The following PZP variants were observed in gnomAD, a reference collection of about 807,000 sequenced individuals.
PZP encodes PZP alpha-2-macroglobulin like, also known as pregnancy zone protein.
In PZP, 150 loss-of-function variants were observed where a neutral mutation model predicts 179.8. The observed-to-expected ratio is 0.83, with a 90% CI of 0.73 to 0.96. The LOEUF is 0.96. PZP is among the 40% of genes least tolerant of loss of function. The probability of loss-of-function intolerance (pLI) is 0.00; values close to 1 mark genes in which losing one functional copy is unlikely to be tolerated. For synonymous variants in PZP, 624 were observed against 652.3 expected, an observed-to-expected ratio of 0.96 and a Z score of 0.66; for missense variants, 1,689 against 1,764.0, an observed-to-expected ratio of 0.96 and a Z score of 0.76.
the PZP span, among the ~76,000 whole-genome samples, chr12:9,139,783 G>GA: frequency 6.6e-6 from 1 of 152,164 alleles, no homozygotes; most frequent in South Asian, 2.1e-4. Flanking sequence ...AAAGAAACAT[G>GA]AAAAATGGCT....
chr12:9,205,919 C>A (rs1297081762), intron 1 of PZP, among the ~76,000 whole-genome samples: 1 of 152,126 alleles, frequency 6.6e-6, no homozygotes, highest in Non-Finnish European at 1.5e-5. Flanking sequence ...TCCAGCACAC[C>A]AGTCTTGCTA....
rs1203188703 is a variant in PZP at position 9,192,724 on chromosome 12, G to A, written c.1270C>T (p.Pro424Ser). ...KLFVRVFTVH[P>S]NLCFHYSWVA... is the part of the protein sequence containing the mutation. ...CATGAATAGTGAAAACACAAGTTGGGATGCACAGTGAAAACCTGAGTAAAC... is the reference window on the plus strand; with the variant it reads ...CATGAATAGTGAAAACACAAGTTGGAATGCACAGTGAAAACCTGAGTAAAC... Residue 424 changes from proline (P) to serine (S), a missense_variant, in exon 12 of 36, where the codon CCC (proline) becomes TCC (serine). Transcript: ENST00000261336. 8.7e-6 allele frequency: 14 copies of A among 1,609,578 alleles called. No homozygotes were observed. The highest frequency in any genetic ancestry group is 1.2e-5 in the Non-Finnish European group (14 of 1,176,166).
rs772601502 is a variant in PZP, at chr12:9,194,557, T to C, written c.1093-319A>G. 2.9e-3 allele frequency among the ~76,000 whole-genome samples: 428 copies of C among 148,052 alleles called. 1 individual carries two copies. Among genetic ancestry groups the C allele is most frequent in the Middle Eastern group, 0.011 (3 of 282 alleles). On this transcript the variant is annotated intron_variant, in intron 10 of 35. Coordinates refer to ENST00000261336, the MANE Select transcript of PZP (RefSeq NM_002864.3). ...TCGGCTCACTGCAAGCTCTGCCTCC[T>C]GGACTCACGCCATTCTCCTGCCTCA...
chr12:9,197,610 TTA>T (rs1284229962), intron 7 of PZP, among the ~76,000 whole-genome samples: 5 of 98,234 alleles, frequency 5.1e-5, no homozygotes, highest in East Asian at 5.2e-4. Context: ...ATAATATATA[TTA>T]TATATTTATA....
rs768099301 is a variant in PZP at position 9,160,437 on chromosome 12, A to G, written c.2926T>C (p.Tyr976His). The G allele has an allele frequency of 5.0e-6, 8 of 1,614,004 alleles. No homozygotes were observed. Among genetic ancestry groups the G allele is most frequent in the South Asian group, 2.2e-5 (2 of 91,082 alleles). ...QNIQNLLQMP[Y>H]GCGEQNMVLF... ...ACCATGTTCTGTTCTCCACAGCCAT[A>G]TGGCATCTGGAGGAGATTTTGTATA... Residue 976 changes from tyrosine to histidine, a missense_variant, in exon 24 of 36, where the codon TAT (tyrosine) becomes CAT (histidine). Transcript: ENST00000261336.
Position 9,150,686 on chromosome 12 carries a change from A to G in PZP, c.4342T>C (p.Leu1448=), listed in dbSNP as rs1272888644. ...TAGACTTTAACAATTGCTGGCTTCA[A>G]GTCTCCTACTGGGATGTCTTGCAGA... ...MVLQDIPVGD[L]KPAIVKVYDY... Residue 1448 remains leucine (L), a synonymous_variant, in exon 34 of 36, where the codon TTG becomes CTG. Transcript: ENST00000261336. 6.2e-7 allele frequency: 1 copy of G among 1,613,006 alleles called. No homozygotes were observed. Among genetic ancestry groups the G allele is most frequent in the Non-Finnish European group, 8.5e-7 (1 of 1,179,316 alleles).
intron 22 of PZP, among the ~76,000 whole-genome samples, chr12:9,162,053 C>T (rs1190900239): frequency 2.0e-5 from 3 of 152,122 alleles, no homozygotes; most frequent in African/African-American, 7.2e-5. Flanking sequence ...CCTCCCCCTG[C>T]CCGGCTCAAG....
At chr12:9,157,417 G>T in intron 27 of PZP, 62 bp from the exon 28 acceptor site, 1 of 1,443,466 alleles carries the variant, frequency 6.9e-7, no homozygotes, top group Non-Finnish European at 9.5e-7. Flanking sequence ...CAAGCTGAGA[G>T]CTGGATATTG....
chr12:9,203,934 A>G lies in PZP; in HGVS notation c.101T>C (p.Val34Ala). ...NSTEPQYMVL[V>A]PSLLHTEAPK... ...GGCCTCAGTGTGGAGCAGGGAGGGG[A>G]CCAGCACCATATACTGCCTGGGAAA... The change falls in exon 2 of 36, where the codon GTC becomes GCC. Residue 34 changes from valine (V) to alanine (A), a missense_variant. Transcript: ENST00000261336. 2 of 1,613,488 alleles carry G rather than the reference A, an allele frequency of 1.2e-6. No homozygotes were observed. Among genetic ancestry groups the G allele is most frequent in the East Asian group, 4.5e-5 (2 of 44,872 alleles).
intron 27 of PZP, 44 bp from the exon 28 acceptor site, chr12:9,157,399 G>A (rs12822596): frequency 0.29 from 457,364 of 1,566,490 alleles, 70,369 homozygotes; most frequent in Admixed American, 0.34. Context: ...GGTGAATAGA[G>A]GGCAGAGCAA....
At position 9,149,568 on chromosome 12, in the gene PZP, G is replaced by A; in HGVS notation, c.4419C>T (p.Cys1473=). 1.9e-6 allele frequency: 3 copies of A among 1,612,840 alleles called. No individual in the cohort carries two copies. The South Asian group carries it at 3.3e-5, about 18-fold the overall frequency. ...ESVVAEYIAP[C]STDTEHGNV is the part of the protein sequence containing the mutation. Reference sequence around the variant, plus strand: ...TAAGTGGTGAACTCTTACCTGTGCTGCAGGGGGCGATATACTCAGCAACCA... The same window carrying A: ...TAAGTGGTGAACTCTTACCTGTGCTACAGGGGGCGATATACTCAGCAACCA... Residue 1473 remains cysteine, a synonymous_variant, in exon 35 of 36, where the codon TGC becomes TGT. Coordinates refer to ENST00000261336, the MANE Select transcript of PZP (RefSeq NM_002864.3).
chr12:9,186,508 C>G (rs1362269121), intron 13 of PZP, among the ~76,000 whole-genome samples: 1 of 151,906 alleles, frequency 6.6e-6, no homozygotes, highest in Non-Finnish European at 1.5e-5. Context: ...TTTAAGAGAC[C>G]CATCTCACAT....
Position 9,157,235 on chromosome 12 carries a change from C to T in PZP, c.3490G>A (p.Gly1164Arg). The T allele has an allele frequency of 1.2e-6, 2 of 1,614,016 alleles. No homozygotes were observed. The highest frequency in any genetic ancestry group is 1.7e-6 in the Non-Finnish European group (2 of 1,179,946). Residue 1164 changes from glycine (G) to arginine (R), a missense_variant, in exon 28 of 36, where the codon GGA becomes AGA. By Grantham distance (125) the Gly-to-Arg change is moderately radical (BLOSUM62 -2). Coordinates refer to ENST00000261336, the MANE Select transcript of PZP (RefSeq NM_002864.3). ...ATTTCTCTATTCTGATTTTGCTTTC[C>T]CAGTAGGGAAAAAGCATAGGCCAGC... is the stretch of plus-strand genomic sequence containing the variant. ...ALLAYAFSLL[G>R]KQNQNREILN... is the part of the protein sequence containing the mutation.
intron 17 of PZP, chr12:9,167,166 T>C (rs1941645011): frequency 6.6e-6 from 1 of 152,234 alleles, no homozygotes; most frequent in African/African-American, 2.4e-5. Context: ...ATCTTAAATA[T>C]TGAAATATCT....
downstream of PZP, among the ~76,000 whole-genome samples, chr12:9,147,653 A>C (rs1457124575): frequency 6.6e-6 from 1 of 151,822 alleles, no homozygotes; most frequent in Non-Finnish European, 1.5e-5. Flanking sequence ...AGGGTTTCCT[A>C]CTCTGTCATC....
chr12:9,146,997 G>A (rs763055187), downstream of PZP, among the ~76,000 whole-genome samples: 1 of 152,306 alleles, frequency 6.6e-6, no homozygotes, highest in South Asian at 2.1e-4. Context: ...AGGATTAATG[G>A]CATCTAGAAT....
chr12:9,180,091 T>G (rs1225692919), intron 15 of PZP, among the ~76,000 whole-genome samples: 1 of 152,204 alleles, frequency 6.6e-6, no homozygotes, highest in African/African-American at 2.4e-5. Flanking sequence ...GTGGTACGTA[T>G]TTTTACTGTT....
At chr12:9,167,217 A>G (rs2120771075) in intron 17 of PZP, 1 of 152,280 alleles carries the variant, frequency 6.6e-6, no homozygotes, top group Admixed American at 6.5e-5. Context: ...TCCATTTTCT[A>G]CTGGATATGT....
chr12:9,164,487 C>T (rs141384959), intron 19 of PZP, among the ~76,000 whole-genome samples: 155 of 152,282 alleles, frequency 1.0e-3, no homozygotes, highest in Admixed American at 3.3e-3. Flanking sequence ...AGCTTGTGGA[C>T]GTGCAGGCTT....
Sources: gnomAD v4.1 joint callset for allele counts (sites outside exome capture counted in the v4.1 genomes callset) on GRCh38, gnomAD v4.1.1 for gene constraint, MANE v1.5 for transcripts, NCBI Gene and HGNC (gene_info 2026-07-23, HGNC 2026-07-21) for gene names.